GLIS3: variants seen among roughly 807,000 people sequenced by gnomAD.
The protein encoded by GLIS3 is GLIS family zinc finger 3.
GLIS3 carries 53 observed loss-of-function variants against 78.6 expected under a neutral mutation model. The ratio of observed to expected loss-of-function variants is 0.67; its 90% CI spans 0.54 to 0.85. GLIS3 has a LOEUF of 0.85. Among genes scored for constraint, GLIS3 ranks in the 40% least tolerant of loss-of-function variants. The probability of loss-of-function intolerance (pLI) is 0.00; values close to 1 mark genes in which losing one functional copy is unlikely to be tolerated. For missense variants in GLIS3, 1,703 were observed against 1,231.1 expected (o/e 1.38, Z -5.74); for synonymous variants, 684 against 509.9 (o/e 1.34, Z -4.60).
At chr9:4,090,695 C>T (rs912166076) in intron 4 of GLIS3, among the ~76,000 whole-genome samples, 69 of 152,192 alleles carry the variant, frequency 4.5e-4, no homozygotes, top group African/African-American at 1.6e-3. Context: ...ATCCAGTGTT[C>T]CTTAGTTTCC....
chr9:3,992,775 G>T (rs1009719075), intron 4 of GLIS3, among the ~76,000 whole-genome samples: 2 of 152,128 alleles, frequency 1.3e-5, no homozygotes, highest in Non-Finnish European at 2.9e-5. Flanking sequence ...TAATTTGGCT[G>T]GTGGAAAACA....
intron 9 of GLIS3, among the ~76,000 whole-genome samples, chr9:3,837,352 C>A (rs371633213): frequency 6.6e-6 from 1 of 152,186 alleles, no homozygotes; most frequent in African/African-American, 2.4e-5. Flanking sequence ...CTTTAGAAGA[C>A]AGGTTGGCAG....
At chr9:4,405,439 T>C in the GLIS3 span, among the ~76,000 whole-genome samples, 1 of 151,820 alleles carries the variant, frequency 6.6e-6, no homozygotes, top group Non-Finnish European at 1.5e-5. Context: ...TAGTGGCTAC[T>C]ATGAGCAGCT....
At chr9:3,967,011 C>CAAAAAAAAAAAAAAAAA (rs776900943) in intron 4 of GLIS3, among the ~76,000 whole-genome samples, 1 of 29,598 alleles carries the variant, frequency 3.4e-5, no homozygotes. Flanking sequence ...TTTCTTTCTG[C>CAAAAAAAAAAAAAAAAA]AAAAAAAAAA....
At chr9:4,174,000 A>C (rs1408949770) in intron 2 of GLIS3, among the ~76,000 whole-genome samples, 1 of 152,082 alleles carries the variant, frequency 6.6e-6, no homozygotes, top group Admixed American at 6.6e-5. Flanking sequence ...TTTAAAAAAA[A>C]CTTAATTTCC....
chr9:3,930,985 CTTTA>C (rs1825573576), intron 6 of GLIS3, among the ~76,000 whole-genome samples: 2 of 152,238 alleles, frequency 1.3e-5, no homozygotes, highest in African/African-American at 4.8e-5. Flanking sequence ...TGCTTTCTAA[CTTTA>C]TTTACATTAT....
At chr9:4,446,093 C>A in the GLIS3 span, among the ~76,000 whole-genome samples, 2 of 152,082 alleles carry the variant, frequency 1.3e-5, no homozygotes, top group African/African-American at 4.8e-5. Flanking sequence ...GGGTCAAAAC[C>A]AGCCCATGGT....
chr9:4,195,622 C>T (rs1225900199), intron 2 of GLIS3, among the ~76,000 whole-genome samples: 1 of 152,262 alleles, frequency 6.6e-6, no homozygotes, highest in Non-Finnish European at 1.5e-5. Flanking sequence ...GATGGGCACG[C>T]CCCCTGTTCC....
chr9:4,409,867 G>A, the GLIS3 span, among the ~76,000 whole-genome samples: 11 of 152,262 alleles, frequency 7.2e-5, 1 homozygote, highest in African/African-American at 1.2e-4. Context: ...CGTGGCTACC[G>A]GAAGATCCCC....
chr9:4,141,266 G>C (rs1047322235), intron 2 of GLIS3, among the ~76,000 whole-genome samples: 3 of 152,210 alleles, frequency 2.0e-5, no homozygotes, highest in Non-Finnish European at 2.9e-5. Context: ...ACAACAGTTT[G>C]ATGGTCCCTG....
chr9:4,387,129 G>T, the GLIS3 span, among the ~76,000 whole-genome samples: 3 of 152,156 alleles, frequency 2.0e-5, no homozygotes, highest in Non-Finnish European at 2.9e-5. Context: ...GGATACCTAC[G>T]CTGTCAGAAA....
intron 4 of GLIS3, among the ~76,000 whole-genome samples, chr9:3,999,549 A>C (rs1820982548): frequency 6.6e-6 from 1 of 152,018 alleles, no homozygotes; most frequent in African/African-American, 2.4e-5. Context: ...AATACTAACA[A>C]AAATTGTATG....
chr9:4,206,102 A>G (rs1366035283), intron 2 of GLIS3, among the ~76,000 whole-genome samples: 1 of 152,168 alleles, frequency 6.6e-6, no homozygotes, highest in Non-Finnish European at 1.5e-5. Context: ...AGATCCCCCC[A>G]TTTTCAAATT....
chr9:4,412,290 T>A, the GLIS3 span, among the ~76,000 whole-genome samples: 41 of 152,212 alleles, frequency 2.7e-4, no homozygotes, highest in Admixed American at 2.7e-3. Context: ...TGGGGGTGTC[T>A]ACAAATGGGT....
intron 2 of GLIS3, among the ~76,000 whole-genome samples, chr9:4,330,570 A>G (rs1236187399): frequency 6.6e-6 from 1 of 151,774 alleles, no homozygotes; most frequent in Non-Finnish European, 1.5e-5. Context: ...GATGGAGATG[A>G]AGAGAGGTGG....
chr9:4,154,888 CTT>C (rs1834938072), intron 2 of GLIS3, among the ~76,000 whole-genome samples: 1 of 152,066 alleles, frequency 6.6e-6, no homozygotes, highest in Non-Finnish European at 1.5e-5. Context: ...AGAAAGCAAA[CTT>C]GACTAAACAA....
At chr9:4,136,812 A>T (rs12352791) in intron 2 of GLIS3, among the ~76,000 whole-genome samples, 4,803 of 152,284 alleles carry the variant, frequency 0.032, 257 homozygotes, top group African/African-American at 0.11. Flanking sequence ...TGAAGAACTG[A>T]TTTAAAAGCT....
intron 9 of GLIS3, among the ~76,000 whole-genome samples, chr9:3,829,716 A>G (rs1048672035): frequency 6.6e-6 from 1 of 152,146 alleles, no homozygotes; most frequent in Admixed American, 6.5e-5. Flanking sequence ...TAATGTTTTT[A>G]TTATGTGCTT....
At chr9:4,423,821 A>AC in the GLIS3 span, among the ~76,000 whole-genome samples, 2 of 152,308 alleles carry the variant, frequency 1.3e-5, no homozygotes, top group Non-Finnish European at 1.5e-5. Context: ...ACATTCACAC[A>AC]AACACATACT....
Sources: gnomAD v4.1 joint callset for allele counts (sites outside exome capture counted in the v4.1 genomes callset) on GRCh38, gnomAD v4.1.1 for gene constraint, MANE v1.5 for transcripts, NCBI Gene and HGNC (gene_info 2026-07-23, HGNC 2026-07-21) for gene names.